FRMD4A: variants seen among roughly 807,000 people sequenced by gnomAD.
The protein encoded by FRMD4A is FERM domain containing 4A, also known as FERM domain-containing protein 4A.
A neutral mutation model predicts 129.1 loss-of-function variants in FRMD4A; 29 were observed. The observed-to-expected ratio is 0.22, with a 90% CI of 0.17 to 0.31. The LOEUF is 0.31. Ranked by LOEUF, FRMD4A falls within the 10% of genes least tolerant of loss-of-function variation. The probability of loss-of-function intolerance (pLI) is 1.00; values close to 1 mark genes in which losing one functional copy is unlikely to be tolerated. For synonymous variants in FRMD4A, 634 were observed against 571.6 expected (o/e 1.11, Z -1.56); for missense variants, 1,272 against 1,375.8 (o/e 0.92, Z 1.19).
At chr10:14,298,611 T>C (rs1110129) in intron 2 of FRMD4A, among the ~76,000 whole-genome samples, 35,292 of 152,164 alleles carry the variant, frequency 0.23, 4,886 homozygotes, top group Middle Eastern at 0.31. Flanking sequence ...ATTTTCAGTT[T>C]AGGAACAAGC....
intron 2 of FRMD4A, among the ~76,000 whole-genome samples, chr10:13,980,258 G>C (rs1184255161): frequency 6.6e-6 from 1 of 152,188 alleles, no homozygotes; most frequent in East Asian, 1.9e-4. Context: ...CCACAGCACT[G>C]TCTCTCCCCA....
chr10:13,900,714 T>A (rs1391934305), intron 2 of FRMD4A, among the ~76,000 whole-genome samples: 3 of 151,960 alleles, frequency 2.0e-5, no homozygotes, highest in Non-Finnish European at 4.4e-5. Context: ...CTGGCCAACA[T>A]GGTGAAACCC....
At chr10:14,209,517 C>G (rs1842877350) in intron 2 of FRMD4A, among the ~76,000 whole-genome samples, 1 of 151,868 alleles carries the variant, frequency 6.6e-6, no homozygotes, top group Admixed American at 6.6e-5. Context: ...GTCAGGAGAT[C>G]AAGACCATCC....
chr10:14,076,341 CATTAAAAT>C, intron 2 of FRMD4A, among the ~76,000 whole-genome samples: 1 of 152,250 alleles, frequency 6.6e-6, no homozygotes, highest in African/African-American at 2.4e-5. Context: ...GCCAGATCCA[CATTAAAAT>C]GTGGATCATG....
At chr10:13,863,671 A>G (rs2094324076) in intron 2 of FRMD4A, among the ~76,000 whole-genome samples, 1 of 152,080 alleles carries the variant, frequency 6.6e-6, no homozygotes, top group Admixed American at 6.6e-5. Context: ...AAAAATATAT[A>G]TATAGGAGTA....
intron 9 of FRMD4A, among the ~76,000 whole-genome samples, chr10:13,746,403 C>T (rs2091292674): frequency 6.6e-6 from 1 of 151,922 alleles, no homozygotes; most frequent in African/African-American, 2.4e-5. Flanking sequence ...TTAGTAGAGA[C>T]GGGGTTTCAT....
In FRMD4A at chr10:13,714,029, T is replaced by TAATATATA. The variant is rs1202020945; in HGVS notation, c.760-6917_760-6916insTATATATT. On this transcript the variant is annotated intron_variant, in intron 12 of 24. Transcript: ENST00000357447. ...ATAATATACATATATAAAATATACATATATATATATATATATATATATATA... is the reference window on the plus strand; with the variant it reads ...ATAATATACATATATAAAATATACATAATATATAATATATATATATATATATATATATA... Among the ~76,000 whole-genome samples the TAATATATA allele has an allele frequency of 6.4e-4, 18 of 28,342 alleles. 4 individuals carry two copies. The highest frequency in any genetic ancestry group is 0.016 in the Middle Eastern group (1 of 62). 18.6% of individuals were successfully genotyped at this position (28,342 alleles called of 152,430 possible).
intron 2 of FRMD4A, among the ~76,000 whole-genome samples, chr10:14,245,102 G>T (rs901549685): frequency 2.6e-5 from 4 of 152,156 alleles, no homozygotes; most frequent in Admixed American, 6.5e-5. Flanking sequence ...GAGTACTAAT[G>T]ACTCATCACA....
intron 2 of FRMD4A, among the ~76,000 whole-genome samples, chr10:14,214,774 T>C (rs970597449): frequency 7.9e-5 from 12 of 152,218 alleles, no homozygotes; most frequent in Admixed American, 7.9e-4. Context: ...ACAAAAATTG[T>C]AGCATTCTGT....
intron 2 of FRMD4A, among the ~76,000 whole-genome samples, chr10:13,942,147 T>C (rs2095297237): frequency 6.6e-6 from 1 of 152,202 alleles, no homozygotes; most frequent in Admixed American, 6.5e-5. Context: ...TCCTTTCTCA[T>C]GTCTGAAAAC....
chr10:13,874,931 C>T (rs2094473878), intron 2 of FRMD4A, among the ~76,000 whole-genome samples: 1 of 151,962 alleles, frequency 6.6e-6, no homozygotes, highest in African/African-American at 2.4e-5. Flanking sequence ...CAGGCTGTTG[C>T]AGAGTGATCA....
rs34061856 is a variant in FRMD4A, at chr10:13,699,054, CTT to C, written c.975+2284_975+2285del. 4.2e-3 allele frequency among the ~76,000 whole-genome samples: 543 copies of C among 128,166 alleles called. 2 individuals are homozygous for C. Among genetic ancestry groups the C allele is most frequent in the African/African-American group, 0.013 (435 of 34,066 alleles). The allele number at this position is 128,166 out of a possible 152,430, so 84.1% of individuals were successfully genotyped here. A position where few individuals can be genotyped will look rare whatever the true frequency, so the allele number is the denominator to read the frequency against. On this transcript the variant is annotated intron_variant, in intron 14 of 24. Transcript: ENST00000357447. ...TTGTTGCTAATTTATCTACAATAAT[CTT>C]TTTTTTTTTTTTTTTCTGAGATGGA...
intron 2 of FRMD4A, among the ~76,000 whole-genome samples, chr10:13,947,234 G>A (rs376947257): frequency 2.6e-5 from 4 of 152,126 alleles, no homozygotes; most frequent in Non-Finnish European, 4.4e-5. Flanking sequence ...CTATGGATGC[G>A]CTAGGAGAAA....
intron 5 of FRMD4A, among the ~76,000 whole-genome samples, chr10:13,792,025 C>T (rs1331359119): frequency 6.6e-6 from 1 of 152,142 alleles, no homozygotes; most frequent in Non-Finnish European, 1.5e-5. Context: ...GATGGCTCTT[C>T]CTCCTCCAGT....
intron 2 of FRMD4A, among the ~76,000 whole-genome samples, chr10:14,034,327 G>A (rs1259833288): frequency 6.6e-6 from 1 of 152,214 alleles, no homozygotes; most frequent in African/African-American, 2.4e-5. Context: ...GGGGTTCCGA[G>A]TGATGAGAAT....
intron 2 of FRMD4A, among the ~76,000 whole-genome samples, chr10:13,990,868 A>G (rs1394745096): frequency 6.6e-6 from 1 of 152,148 alleles, no homozygotes; most frequent in Non-Finnish European, 1.5e-5. Flanking sequence ...TTCCATGAAC[A>G]CCGCAATCAG....
intron 2 of FRMD4A, among the ~76,000 whole-genome samples, chr10:14,240,744 G>A (rs936983421): frequency 9.9e-5 from 15 of 152,098 alleles, no homozygotes; most frequent in African/African-American, 2.9e-4. Context: ...TCTGAATTTC[G>A]CTACAAGGTA....
intron 12 of FRMD4A, among the ~76,000 whole-genome samples, chr10:13,737,027 C>A (rs2090667937): frequency 6.6e-6 from 1 of 152,122 alleles, no homozygotes; most frequent in African/African-American, 2.4e-5. Flanking sequence ...TTCTGATCAC[C>A]TTTATTGAGC....
intron 3 of FRMD4A, among the ~76,000 whole-genome samples, chr10:13,837,970 G>A (rs541891049): frequency 6.6e-6 from 1 of 152,322 alleles, no homozygotes; most frequent in South Asian, 2.1e-4. Context: ...GAGGAAGAAA[G>A]CAGGCTTAGC....
Sources: gnomAD v4.1 joint callset for allele counts (sites outside exome capture counted in the v4.1 genomes callset) on GRCh38, gnomAD v4.1.1 for gene constraint, MANE v1.5 for transcripts, NCBI Gene and HGNC (gene_info 2026-07-23, HGNC 2026-07-21) for gene names.